Variants in ITK observed in about 807,000 individuals in gnomAD.
ITK encodes the protein IL2 inducible T cell kinase, also known as tyrosine-protein kinase ITK/TSK.
Under a neutral mutation model 87.6 loss-of-function variants are expected in ITK, and 45 were observed. The observed-to-expected ratio is 0.51, with a 90% CI of 0.40 to 0.66. ITK has a LOEUF of 0.66. Ranked by LOEUF, ITK falls within the 30% of genes least tolerant of loss-of-function variation. The pLI is 0.00. For missense variants in ITK, 605 were observed against 766.3 expected (o/e 0.79, Z 2.48); for synonymous variants, 303 against 273.6 (o/e 1.11, Z -1.06).
At chr5:157,250,039 T>C (rs557017302) in intron 16 of ITK, among the ~76,000 whole-genome samples, 1 of 152,228 alleles carries the variant, frequency 6.6e-6, no homozygotes, top group Admixed American at 6.5e-5. Context: ...ATGAGTGTGA[T>C]ACATTTGTTA....
chr5:157,245,223 TAAAA>T (rs139283977), intron 13 of ITK: 34,872 of 161,110 alleles, frequency 0.22, 3,144 homozygotes, highest in East Asian at 0.5. Flanking sequence ...AGACTCCATC[TAAAA>T]AAAAAAAAAA....
At chr5:157,208,020 G>T (rs976160558) in intron 1 of ITK, among the ~76,000 whole-genome samples, 10 of 152,234 alleles carry the variant, frequency 6.6e-5, no homozygotes, top group African/African-American at 2.4e-4. Context: ...TTTGCAACTG[G>T]TTCCATAGCT....
In ITK at chr5:157,228,335, A is replaced by C; in HGVS notation, c.687A>C (p.Lys229Asn). 5.0e-6 allele frequency: 8 copies of C among 1,605,052 alleles called. No homozygotes were observed. Among genetic ancestry groups the C allele is most frequent in the Non-Finnish European group, 6.8e-6 (8 of 1,171,904 alleles). Reference sequence around the variant, plus strand: ...TACCAAGCAGTTATCTGGTGGAAAAATCTCCAAATAATCTGGAAACCTATG... The same window carrying C: ...TACCAAGCAGTTATCTGGTGGAAAACTCTCCAAATAATCTGGAAACCTATG... ...GYVPSSYLVE[K>N]SPNNLETYEW... is the part of the protein sequence containing the mutation. Residue 229 changes from lysine (K) to asparagine (N), a missense_variant, in exon 7 of 17, where the codon AAA (lysine) becomes AAC (asparagine). Lys to Asn is a moderately conservative substitution (Grantham distance 94). Transcript: ENST00000422843.
At chr5:157,242,077 T>A (rs1438050662) in intron 11 of ITK, among the ~76,000 whole-genome samples, 1 of 152,234 alleles carries the variant, frequency 6.6e-6, no homozygotes, top group Non-Finnish European at 1.5e-5. Flanking sequence ...AACTTTTATA[T>A]CATCTAGTTG....
chr5:157,239,817 G>A (rs1754852039), intron 9 of ITK, among the ~76,000 whole-genome samples: 1 of 152,178 alleles, frequency 6.6e-6, no homozygotes, highest in Non-Finnish European at 1.5e-5. Context: ...GGCAATGGAA[G>A]AACCATCACC....
At chr5:157,229,243 T>C (rs527715397) in intron 7 of ITK, among the ~76,000 whole-genome samples, 11 of 152,326 alleles carry the variant, frequency 7.2e-5, no homozygotes, top group South Asian at 4.1e-4. Context: ...ATGTCACCAC[T>C]AGCAAGTTAA....
chr5:157,235,832 G>C (rs192643621), intron 8 of ITK, among the ~76,000 whole-genome samples: 13 of 152,224 alleles, frequency 8.5e-5, no homozygotes, highest in Admixed American at 5.9e-4. Flanking sequence ...TATATGAACA[G>C]AAAGAAAGAA....
intron 5 of ITK, among the ~76,000 whole-genome samples, chr5:157,218,519 A>AG (rs199832518): frequency 0.12 from 18,224 of 151,260 alleles, 1,217 homozygotes; most frequent in South Asian, 0.2. Flanking sequence ...CAGAAAAAAA[A>AG]AAAAAAAAAC....
rs1029375191 is a variant in ITK at position 157,243,925 on chromosome 5, A to G, written c.1232+131A>G. On this transcript the variant is annotated intron_variant, in intron 12 of 16. Coordinates refer to ENST00000422843, the MANE Select transcript of ITK (RefSeq NM_005546.4). ...TCCCAGCAGTGGCTTCCTATTGCAC[A>G]GAGAATACAATCAAACTCTTCACAG... is the stretch of plus-strand genomic sequence containing the variant. 4.1e-5 allele frequency: 35 copies of G among 845,938 alleles called. No individual in the cohort carries two copies. The Admixed American group carries it at 6.9e-4, about 17-fold the overall frequency. 52.4% of individuals were successfully genotyped at this position (845,938 alleles called of 1,614,324 possible).
At chr5:157,192,807 A>G (rs2436382) in intron 1 of ITK, among the ~76,000 whole-genome samples, 115,362 of 152,038 alleles carry the variant, frequency 0.76, 43,890 homozygotes, top group African/African-American at 0.81. Flanking sequence ...TCCCCCTGGG[A>G]TGTAAATTGA....
At chr5:157,221,029 T>C (rs960423356) in intron 5 of ITK, among the ~76,000 whole-genome samples, 1 of 152,166 alleles carries the variant, frequency 6.6e-6, no homozygotes, top group African/African-American at 2.4e-5. Context: ...TGGCTAACTT[T>C]TGTATTAAAC....
In ITK at chr5:157,217,907, G is replaced by C. The variant is rs533252659; in HGVS notation, c.495G>C (p.Arg165Ser). 2.5e-6 allele frequency: 4 copies of C among 1,613,612 alleles called. No homozygotes were observed. The highest frequency in any genetic ancestry group is 3.4e-6 in the Non-Finnish European group (4 of 1,179,714). ...TTCCTCCTACTCCTGAAGACAACAG[G>C]GTGAGTGAGAGCGCTAGCTCCGGGT... is the stretch of plus-strand genomic sequence containing the variant. ...KPLPPTPEDN[R>S]RPLWEPEETV... The change falls in exon 5 of 17, where the codon AGG (arginine) becomes AGC (serine). Residue 165 changes from arginine (R) to serine (S), a missense_variant and splice_region_variant. Physicochemically the swap from Arg to Ser is moderately radical, Grantham distance 110. This residue lies in a region of ITK where 464 missense variants were observed against 578.0 expected (regional missense o/e 0.80). Coordinates refer to ENST00000422843, the MANE Select transcript of ITK (RefSeq NM_005546.4).
At chr5:157,188,385 G>A (rs1490051496) in intron 1 of ITK, among the ~76,000 whole-genome samples, 1 of 152,086 alleles carries the variant, frequency 6.6e-6, no homozygotes, top group Non-Finnish European at 1.5e-5. Context: ...GTCCCAGCCT[G>A]CCTTCTTTAT....
At chr5:157,213,578 C>T (rs1278071043) in intron 3 of ITK, 4 of 454,286 alleles carry the variant, frequency 8.8e-6, no homozygotes, top group Non-Finnish European at 1.8e-5. Context: ...AAAGGGGTCT[C>T]GCTATGTTGC....
Position 157,244,495 on chromosome 5 carries a change from T to A in ITK, c.1449+17T>A. 6.9e-7 allele frequency: 1 copy of A among 1,442,246 alleles called. No homozygotes were observed. Among genetic ancestry groups the A allele is most frequent in the Non-Finnish European group, 9.8e-7 (1 of 1,023,146 alleles). The allele number at this position is 1,442,246 out of a possible 1,614,324, so 89.3% of individuals were successfully genotyped here. On this transcript the variant is annotated intron_variant, in intron 13 of 16. Coordinates refer to ENST00000422843, the MANE Select transcript of ITK (RefSeq NM_005546.4). ...AGAGACTTGGTATGAGCATGCAGGG[T>A]GAACACCCACAGGTCCAGGGTAAAG...
At chr5:157,226,764 A>T (rs1248130334) in intron 6 of ITK, among the ~76,000 whole-genome samples, 3 of 152,146 alleles carry the variant, frequency 2.0e-5, no homozygotes, top group Admixed American at 2.0e-4. Context: ...TGGAATAAAG[A>T]GCAATAAACT....
At chr5:157,207,444 G>T (rs182819564) in intron 1 of ITK, among the ~76,000 whole-genome samples, 1 of 132,690 alleles carries the variant, frequency 7.5e-6, no homozygotes, top group Non-Finnish European at 1.5e-5. Context: ...GCAATGGTGC[G>T]GTCTCCACTC....
chr5:157,192,258 A>T (rs1753767640), intron 1 of ITK, among the ~76,000 whole-genome samples: 2 of 152,282 alleles, frequency 1.3e-5, no homozygotes, highest in South Asian at 2.1e-4. Context: ...TACTCTGCAA[A>T]ACCTGAATGC....
chr5:157,227,391 C>A (rs1372883540), intron 6 of ITK, among the ~76,000 whole-genome samples: 1 of 152,164 alleles, frequency 6.6e-6, no homozygotes, highest in Non-Finnish European at 1.5e-5. Context: ...AATTCTTGCT[C>A]AAAAGTGACT....
Sources: gnomAD v4.1 joint callset for allele counts (sites outside exome capture counted in the v4.1 genomes callset) on GRCh38, gnomAD v4.1.1 for gene constraint, gnomAD v4.1.1 regional missense constraint, MANE v1.5 for transcripts, NCBI Gene and HGNC (gene_info 2026-07-23, HGNC 2026-07-21) for gene names.